ZNF536: variants seen among roughly 807,000 people sequenced by gnomAD.
ZNF536 encodes zinc finger protein 536.
Under a neutral mutation model 84.5 loss-of-function variants are expected in ZNF536, and 13 were observed. The observed-to-expected ratio is 0.15, with a 90% CI of 0.10 to 0.24. The LOEUF (loss-of-function observed/expected upper bound fraction) is 0.24, where lower values mean the gene tolerates loss of function less well. Ranked by LOEUF, ZNF536 falls within the 10% of genes least tolerant of loss-of-function variation. The pLI is 1.00. For synonymous variants in ZNF536, 811 were observed against 742.5 expected (o/e 1.09, Z -1.50); for missense variants, 1,536 against 1,747.5 (o/e 0.88, Z 2.16).
intron 1 of ZNF536, among the ~76,000 whole-genome samples, chr19:30,245,552 C>T (rs1293655443): frequency 6.6e-6 from 1 of 152,222 alleles, no homozygotes; most frequent in Non-Finnish European, 1.5e-5. Context: ...ATGAAACAGA[C>T]TGTCCCATGA....
intron 1 of ZNF536, among the ~76,000 whole-genome samples, chr19:30,425,749 A>G (rs908541203): frequency 6.6e-6 from 1 of 152,182 alleles, no homozygotes; most frequent in Non-Finnish European, 1.5e-5. Context: ...TGGGGCATGG[A>G]ACATTCTGAA....
At chr19:30,682,816 A>AATC (rs2051030187) in intron 1 of ZNF536, among the ~76,000 whole-genome samples, 1 of 152,148 alleles carries the variant, frequency 6.6e-6, no homozygotes, top group Non-Finnish European at 1.5e-5. Flanking sequence ...GAGTGGAAAG[A>AATC]ATCACCCGTC....
downstream of ZNF536, among the ~76,000 whole-genome samples, chr19:30,559,293 T>C (rs1216452384): frequency 6.6e-6 from 1 of 152,196 alleles, no homozygotes; most frequent in African/African-American, 2.4e-5. Flanking sequence ...CCTAAATGCC[T>C]AGCAAAGGTA....
chr19:30,560,827 C>T (rs543522479), downstream of ZNF536, among the ~76,000 whole-genome samples: 15 of 152,340 alleles, frequency 9.8e-5, no homozygotes, highest in South Asian at 6.2e-4. Flanking sequence ...AAAGAAACTT[C>T]GCGATGATTA....
chr19:30,465,731 A>G (rs1349778763), intron 2 of ZNF536, among the ~76,000 whole-genome samples: 2 of 57,236 alleles, frequency 3.5e-5, no homozygotes, highest in African/African-American at 5.8e-4. Flanking sequence ...TGTCTATAAA[A>G]ATTATTTTAT....
intron 1 of ZNF536, among the ~76,000 whole-genome samples, chr19:30,600,482 C>T (rs577565867): frequency 5.0e-4 from 76 of 152,282 alleles, no homozygotes; most frequent in Non-Finnish European, 7.5e-4. Flanking sequence ...GACAGGGCCC[C>T]CACAGGCTGA....
intron 2 of ZNF536, among the ~76,000 whole-genome samples, chr19:30,328,975 T>C (rs371408313): frequency 6.6e-6 from 1 of 152,278 alleles, no homozygotes; most frequent in South Asian, 2.1e-4. Flanking sequence ...GAGTGAGAGA[T>C]GGGAATTAGC....
chr19:30,414,383 T>A (rs2050625648), intron 1 of ZNF536, among the ~76,000 whole-genome samples: 3 of 152,192 alleles, frequency 2.0e-5, no homozygotes, highest in Admixed American at 2.0e-4. Flanking sequence ...ACTAATATGT[T>A]TAGTTTTTAT....
intron 2 of ZNF536, among the ~76,000 whole-genome samples, chr19:30,530,334 G>T (rs966009188): frequency 8.9e-6 from 1 of 112,306 alleles, no homozygotes; most frequent in Non-Finnish European, 1.8e-5. Flanking sequence ...CTGTCTTTTT[G>T]TTGTTGTTGT....
upstream of ZNF536, chr19:30,228,163 C>T (rs1406255407): frequency 6.6e-6 from 1 of 151,812 alleles, no homozygotes; most frequent in African/African-American, 2.4e-5. The surrounding 1 kb of genome is among the most constrained non-coding windows in gnomAD (Gnocchi z 4.5). Flanking sequence ...CGGCTTTGCT[C>T]TCTGCTGGGG....
At chr19:30,414,146 C>T (rs1027855873) in intron 1 of ZNF536, among the ~76,000 whole-genome samples, 1 of 148,520 alleles carries the variant, frequency 6.7e-6, no homozygotes, top group African/African-American at 2.5e-5. Flanking sequence ...GTTTTGGCCT[C>T]AAATTATATT....
At chr19:30,488,814 T>C (rs1386317648) in intron 2 of ZNF536, among the ~76,000 whole-genome samples, 3 of 152,206 alleles carry the variant, frequency 2.0e-5, no homozygotes, top group Admixed American at 6.5e-5. Context: ...TTGATGCTAA[T>C]GTGGTTTTTA....
At chr19:30,564,978 G>A (rs2046298377) in intron 1 of ZNF536, among the ~76,000 whole-genome samples, 1 of 152,084 alleles carries the variant, frequency 6.6e-6, no homozygotes, top group Non-Finnish European at 1.5e-5. Context: ...TGATTAAGAA[G>A]GTCTTATTTC....
chr19:30,303,776 A>G (rs2046263111), intron 2 of ZNF536, among the ~76,000 whole-genome samples: 1 of 152,290 alleles, frequency 6.6e-6, no homozygotes, highest in Admixed American at 6.5e-5. Flanking sequence ...TACAGGCATG[A>G]GCCACCATGC....
intron 1 of ZNF536, among the ~76,000 whole-genome samples, chr19:30,659,189 A>C (rs1387462660): frequency 6.6e-6 from 1 of 152,218 alleles, no homozygotes; most frequent in Non-Finnish European, 1.5e-5. Flanking sequence ...TTTGGCTCAC[A>C]GTTCTGCAGA....
intron 1 of ZNF536, among the ~76,000 whole-genome samples, chr19:30,247,182 T>C (rs1411497112): frequency 6.6e-6 from 1 of 152,218 alleles, no homozygotes; most frequent in Non-Finnish European, 1.5e-5. Context: ...AGATATGTAT[T>C]CAAGGGCACC....
chr19:30,340,950 G>A (rs745501395), intron 2 of ZNF536, among the ~76,000 whole-genome samples: 15 of 152,120 alleles, frequency 9.9e-5, no homozygotes, highest in Non-Finnish European at 1.6e-4. Flanking sequence ...GGTTCCAGCC[G>A]TGTCAGGGAG....
At chr19:30,485,337 T>A (rs2054263216) in intron 2 of ZNF536, among the ~76,000 whole-genome samples, 1 of 152,176 alleles carries the variant, frequency 6.6e-6, no homozygotes, top group African/African-American at 2.4e-5. Context: ...TAATGCAAAG[T>A]GTAGAATTCA....
Position 30,548,233 on chromosome 19 carries a change from C to A in ZNF536, c.2614C>A (p.Gln872Lys), listed in dbSNP as rs763937387. 4.3e-6 allele frequency: 7 copies of A among 1,614,102 alleles called. No homozygotes were observed. Among genetic ancestry groups the A allele is most frequent in the East Asian group, 2.2e-5 (1 of 44,894 alleles). The change falls in exon 4 of 5, where the codon CAG becomes AAG. Residue 872 changes from glutamine to lysine, a missense_variant. By Grantham distance (53) the Gln-to-Lys change is moderately conservative. This residue lies in a region of ZNF536 where 624 missense variants were observed against 603.1 expected (regional missense o/e 1.03). Transcript: ENST00000355537. Reference protein sequence around the residue: ...GVLSSGDHSGQATGMSSEVPS... With the variant: ...GVLSSGDHSGKATGMSSEVPS... Reference sequence around the variant, plus strand: ...TCTCTCCTCTGGAGATCACTCGGGGCAGGCCACGGGCATGTCTTCGGAGGT... The same window carrying A: ...TCTCTCCTCTGGAGATCACTCGGGGAAGGCCACGGGCATGTCTTCGGAGGT...
Sources: gnomAD v4.1 joint callset for allele counts (sites outside exome capture counted in the v4.1 genomes callset) on GRCh38, gnomAD v4.1.1 for gene constraint, gnomAD v4.1.1 regional missense constraint, Gnocchi (gnomAD v3.1) non-coding constraint, MANE v1.5 for transcripts, NCBI Gene and HGNC (gene_info 2026-07-23, HGNC 2026-07-21) for gene names.